ZNF804B: variants seen among roughly 807,000 people sequenced by gnomAD.
The protein encoded by ZNF804B is zinc finger 804B.
ZNF804B carries 80 observed loss-of-function variants against 101.4 expected under a neutral mutation model. That is an observed-to-expected ratio of 0.79 (90% CI 0.66 to 0.95). The LOEUF is 0.95. ZNF804B is among the 40% of genes least tolerant of loss of function. The probability of loss-of-function intolerance (pLI) is 0.00; values close to 1 mark genes in which losing one functional copy is unlikely to be tolerated. For synonymous variants in ZNF804B, 622 were observed against 558.8 expected (o/e 1.11, Z -1.59); for missense variants, 1,673 against 1,561.9 (o/e 1.07, Z -1.20).
chr7:89,308,420 G>A (rs1790599423), intron 2 of ZNF804B, among the ~76,000 whole-genome samples: 1 of 152,090 alleles, frequency 6.6e-6, no homozygotes, highest in Non-Finnish European at 1.5e-5. Context: ...GACTCCTGAA[G>A]GAAGTTGGGA....
chr7:89,059,288 A>G (rs368588783), intron 1 of ZNF804B, among the ~76,000 whole-genome samples: 2 of 152,176 alleles, frequency 1.3e-5, no homozygotes, highest in African/African-American at 4.8e-5. Flanking sequence ...GCTGGGTAAT[A>G]TATAAAGAAA....
chr7:89,170,153 T>C (rs981352711), intron 1 of ZNF804B, among the ~76,000 whole-genome samples: 2 of 152,226 alleles, frequency 1.3e-5, no homozygotes, highest in African/African-American at 4.8e-5. Context: ...CACTTTATTT[T>C]CTTTGATAAA....
At chr7:88,933,938 A>T (rs990553108) in intron 1 of ZNF804B, among the ~76,000 whole-genome samples, 3 of 151,676 alleles carry the variant, frequency 2.0e-5, no homozygotes, top group Non-Finnish European at 3.0e-5. Flanking sequence ...AACCAAAAAA[A>T]AAAAAAAAGC....
intron 2 of ZNF804B, among the ~76,000 whole-genome samples, chr7:89,257,389 C>G (rs996115080): frequency 6.6e-6 from 1 of 152,018 alleles, no homozygotes; most frequent in Non-Finnish European, 1.5e-5. Context: ...ATAGAAATCA[C>G]AAAATTTCAG....
intron 1 of ZNF804B, among the ~76,000 whole-genome samples, chr7:88,780,871 A>T (rs753932630): frequency 2.0e-5 from 3 of 152,184 alleles, no homozygotes; most frequent in Non-Finnish European, 4.4e-5. Context: ...AAGAAATAAA[A>T]ATGTGTATTT....
intron 1 of ZNF804B, among the ~76,000 whole-genome samples, chr7:88,792,111 A>G (rs1298114139): frequency 1.3e-5 from 2 of 152,082 alleles, no homozygotes; most frequent in Non-Finnish European, 2.9e-5. Flanking sequence ...AGCAAGGCAA[A>G]GTGCACATTT....
chr7:89,113,853 G>A (rs922002847), intron 1 of ZNF804B, among the ~76,000 whole-genome samples: 2 of 151,918 alleles, frequency 1.3e-5, no homozygotes, highest in Non-Finnish European at 2.9e-5. Context: ...GGAGGCTGAG[G>A]CACGAGAATC....
intron 1 of ZNF804B, among the ~76,000 whole-genome samples, chr7:88,768,342 A>C (rs540519028): frequency 6.6e-5 from 10 of 152,226 alleles, no homozygotes; most frequent in Non-Finnish European, 1.5e-4. Flanking sequence ...GGCTAGCTCT[A>C]CAGTTTAGCT....
At chr7:89,332,015 T>C (rs1790991987) in intron 3 of ZNF804B, among the ~76,000 whole-genome samples, 1 of 151,290 alleles carries the variant, frequency 6.6e-6, no homozygotes, top group Non-Finnish European at 1.5e-5. Flanking sequence ...TATATTAATA[T>C]ACATGTATAT....
chr7:89,069,894 G>C (rs746999119), intron 1 of ZNF804B, among the ~76,000 whole-genome samples: 15 of 152,298 alleles, frequency 9.8e-5, no homozygotes, highest in South Asian at 8.3e-4. Context: ...CTGCTGGCAG[G>C]ATTGGAGTGA....
At chr7:88,817,691 A>G (rs1228532342) in intron 1 of ZNF804B, among the ~76,000 whole-genome samples, 1 of 152,222 alleles carries the variant, frequency 6.6e-6, no homozygotes, top group African/African-American at 2.4e-5. Context: ...TATTCATCAC[A>G]ACTAATAAAC....
At chr7:89,314,356 C>A (rs1790689253) in intron 2 of ZNF804B, among the ~76,000 whole-genome samples, 1 of 151,924 alleles carries the variant, frequency 6.6e-6, no homozygotes, top group Admixed American at 6.6e-5. Context: ...TCCTTTTTTT[C>A]GACTTCTCCT....
At chr7:89,008,433 T>C (rs1788402404) in intron 1 of ZNF804B, among the ~76,000 whole-genome samples, 1 of 152,196 alleles carries the variant, frequency 6.6e-6, no homozygotes, top group African/African-American at 2.4e-5. Flanking sequence ...CATCTGCCCA[T>C]GCTACTAAGT....
chr7:88,763,068 A>T (rs1789923233), intron 1 of ZNF804B, among the ~76,000 whole-genome samples: 1 of 152,164 alleles, frequency 6.6e-6, no homozygotes, highest in Non-Finnish European at 1.5e-5. Context: ...TAGTTCTGAT[A>T]TTATGGATAT....
chr7:88,794,902 G>A (rs202024199), intron 1 of ZNF804B: 6 of 1,606,652 alleles, frequency 3.7e-6, no homozygotes, highest in African/African-American at 1.3e-5. Flanking sequence ...CAGTGGCAAA[G>A]GCCTTTTGCT....
chr7:89,287,811 A>C (rs1341950602), intron 2 of ZNF804B, among the ~76,000 whole-genome samples: 2 of 152,184 alleles, frequency 1.3e-5, no homozygotes, highest in African/African-American at 2.4e-5. Context: ...TCAGAAAAAA[A>C]ATCTTGAAAT....
At chr7:88,810,526 G>T (rs1362364781) in intron 1 of ZNF804B, among the ~76,000 whole-genome samples, 3 of 151,706 alleles carry the variant, frequency 2.0e-5, no homozygotes, top group African/African-American at 7.3e-5. Context: ...TCAAGGTGTG[G>T]TGCTGCACAC....
At chr7:88,978,148 A>G (rs1453414510) in intron 1 of ZNF804B, among the ~76,000 whole-genome samples, 1 of 151,742 alleles carries the variant, frequency 6.6e-6, no homozygotes, top group East Asian at 1.9e-4. Context: ...TGTTGCTTAA[A>G]GTATGGCATA....
chr7:88,854,588 C>T (rs1259942872), intron 1 of ZNF804B, among the ~76,000 whole-genome samples: 18 of 106,392 alleles, frequency 1.7e-4, no homozygotes, highest in Non-Finnish European at 1.2e-4. Flanking sequence ...CCTTCCTTCC[C>T]TTTATTCCTT....
Sources: allele counts gnomAD v4.1 joint callset (sites outside exome capture counted in the v4.1 genomes callset), GRCh38; gene constraint gnomAD v4.1.1; transcripts MANE v1.5; gene names NCBI Gene and HGNC (gene_info 2026-07-23, HGNC 2026-07-21).